Variants in PCTP observed in about 807,000 individuals in gnomAD.
PCTP encodes the protein phosphatidylcholine transfer protein, also known as START domain-containing protein 2.
A neutral mutation model predicts 31.0 loss-of-function variants in PCTP; 27 were observed. That is an observed-to-expected ratio of 0.87 (90% CI 0.64 to 1.20). The LOEUF (loss-of-function observed/expected upper bound fraction) is 1.20, where lower values mean the gene tolerates loss of function less well. Among genes scored for constraint, PCTP ranks in the 50% most tolerant of loss-of-function variants. The pLI is 0.00. For missense variants in PCTP, 287 were observed against 268.2 expected (o/e 1.07, Z -0.49); for synonymous variants, 108 against 101.2 (o/e 1.07, Z -0.40).
intron 3 of PCTP, among the ~76,000 whole-genome samples, chr17:55,801,288 A>G (rs1369877823): frequency 6.6e-6 from 1 of 152,166 alleles, no homozygotes; most frequent in African/African-American, 2.4e-5. Flanking sequence ...CCCCACTGTC[A>G]ATATTAGACA....
chr17:55,850,804 G>C, the PCTP span, among the ~76,000 whole-genome samples: 1 of 152,114 alleles, frequency 6.6e-6, no homozygotes, highest in African/African-American at 2.4e-5. Flanking sequence ...AGCTTTTAAA[G>C]ATATAATTTG....
intron 1 of PCTP, among the ~76,000 whole-genome samples, chr17:55,755,738 C>G (rs1049788649): frequency 2.6e-5 from 4 of 152,028 alleles, no homozygotes; most frequent in Non-Finnish European, 5.9e-5. Context: ...TCTCTTATTT[C>G]TTCTCCATGT....
exon 4 of PCTP, chr17:55,822,770 A>C: frequency 8.1e-7 from 1 of 1,231,400 alleles, no homozygotes; most frequent in Non-Finnish European, 1.0e-6. Context: ...GAATCAGAGC[A>C]GAACCAAGCG....
At chr17:55,782,422 C>G (rs986287988) in intron 2 of PCTP, among the ~76,000 whole-genome samples, 5 of 152,146 alleles carry the variant, frequency 3.3e-5, no homozygotes, top group Admixed American at 1.3e-4. Context: ...CATTTTGAAG[C>G]TCTTATTGTG....
chr17:55,771,520 C>T (rs1218561256), intron 3 of PCTP, among the ~76,000 whole-genome samples: 2 of 152,172 alleles, frequency 1.3e-5, no homozygotes, highest in African/African-American at 2.4e-5. Flanking sequence ...CTTGTTACAG[C>T]TCCCTCAGTC....
intron 3 of PCTP, among the ~76,000 whole-genome samples, chr17:55,788,243 G>C (rs112704937): frequency 2.6e-4 from 40 of 152,190 alleles, no homozygotes; most frequent in African/African-American, 9.6e-4. Flanking sequence ...ACATCCTTTT[G>C]TAGTGTGTGT....
At chr17:55,787,453 A>T (rs1484860961) in intron 2 of PCTP, 1 of 151,838 alleles carries the variant, frequency 6.6e-6, no homozygotes, top group Non-Finnish European at 1.5e-5. Context: ...TCCTGGGTTC[A>T]AGCAATTATC....
Position 55,837,063 on chromosome 17 carries a change from A to G in PCTP, n.506-5664A>G, listed in dbSNP as rs371169737. ...GTGGTATGGTGGAGTTTGATCATAG[A>G]TATGGTAGTTACAGGAAGCAGTTTG... On this transcript the variant is annotated intron_variant and non_coding_transcript_variant, in intron 5 of 5. Coordinates refer to the PCTP transcript ENST00000576221. Among the ~76,000 whole-genome samples, 5 of 148,862 alleles carry G rather than the reference A, an allele frequency of 3.4e-5. No homozygotes were observed. In the East Asian group the frequency reaches 1.1e-3, roughly 33 times the overall value.
chr17:55,774,888 AG>A, intron 5 of PCTP, 29 bp downstream of exon 5: 3 of 314,576 alleles, frequency 9.5e-6, no homozygotes, highest in Non-Finnish European at 1.8e-5. Flanking sequence ...GGGCGGGGGG[AG>A]GGATGGGGGA....
At chr17:55,850,767 T>C in the PCTP span, among the ~76,000 whole-genome samples, 1 of 152,194 alleles carries the variant, frequency 6.6e-6, no homozygotes, top group Non-Finnish European at 1.5e-5. Context: ...TTTTCTCCTC[T>C]ATAAAAAAAT....
At chr17:55,782,126 A>G (rs1020060926), downstream of PCTP, among the ~76,000 whole-genome samples, 2 of 152,192 alleles carry the variant, frequency 1.3e-5, no homozygotes, top group African/African-American at 4.8e-5. Context: ...CCAGTATCTC[A>G]GCTCAAAGCA....
chr17:55,800,074 T>C (rs1352476078), intron 3 of PCTP, among the ~76,000 whole-genome samples: 1 of 151,958 alleles, frequency 6.6e-6, no homozygotes, highest in Non-Finnish European at 1.5e-5. Flanking sequence ...TCTCGAGGAG[T>C]ATCTTTGCGG....
chr17:55,791,078 G>T (rs1257290714), intron 3 of PCTP, among the ~76,000 whole-genome samples: 3 of 151,710 alleles, frequency 2.0e-5, no homozygotes, highest in African/African-American at 7.3e-5. Context: ...TTAATAAATG[G>T]TGCTGGGAAA....
intron 3 of PCTP, among the ~76,000 whole-genome samples, chr17:55,790,017 G>A (rs151145936): frequency 0.015 from 2,293 of 152,166 alleles, 72 homozygotes; most frequent in African/African-American, 0.052. Flanking sequence ...ATCAATAAAT[G>A]TAATCCAGCA....
intron 3 of PCTP, among the ~76,000 whole-genome samples, chr17:55,772,743 A>G (rs1911083023): frequency 6.6e-6 from 1 of 152,212 alleles, no homozygotes; most frequent in African/African-American, 2.4e-5. Flanking sequence ...GTAACTAACA[A>G]ACTAAATATC....
At chr17:55,852,168 T>C in the PCTP span, among the ~76,000 whole-genome samples, 2 of 152,234 alleles carry the variant, frequency 1.3e-5, no homozygotes, top group Non-Finnish European at 2.9e-5. Flanking sequence ...AAGTAATATA[T>C]ACTAGAATCT....
chr17:55,759,403 A>C (rs1910220037), intron 1 of PCTP, among the ~76,000 whole-genome samples: 2 of 152,188 alleles, frequency 1.3e-5, no homozygotes, highest in African/African-American at 2.4e-5. Context: ...TAAATATTAA[A>C]TCAGATTTAG....
chr17:55,787,300 A>G (rs1033628468), intron 2 of PCTP, among the ~76,000 whole-genome samples: 2 of 151,464 alleles, frequency 1.3e-5, no homozygotes, highest in African/African-American at 2.4e-5. Context: ...GTATTTATAC[A>G]TGCGTTTGTG....
At chr17:55,780,234 G>A (rs1470724385), downstream of PCTP, among the ~76,000 whole-genome samples, 1 of 152,016 alleles carries the variant, frequency 6.6e-6, no homozygotes, top group African/African-American at 2.4e-5. Flanking sequence ...GTCCATGTGT[G>A]TCTCTTTGGA....
Sources: allele counts gnomAD v4.1 joint callset (sites outside exome capture counted in the v4.1 genomes callset), GRCh38; gene constraint gnomAD v4.1.1; transcripts MANE v1.5; gene names NCBI Gene and HGNC (gene_info 2026-07-23, HGNC 2026-07-21).